NFE2L2: variants seen among roughly 807,000 people sequenced by gnomAD.
The protein encoded by NFE2L2 is nuclear factor erythroid 2-related factor 2.
In NFE2L2, 20 loss-of-function variants were observed where a neutral mutation model predicts 49.6. The ratio of observed to expected loss-of-function variants is 0.40; its 90% CI spans 0.28 to 0.59. The LOEUF (loss-of-function observed/expected upper bound fraction) is 0.59, where lower values mean the gene tolerates loss of function less well. Ranked by LOEUF, NFE2L2 falls within the 20% of genes least tolerant of loss-of-function variation. The pLI, the probability that NFE2L2 is intolerant of heterozygous loss-of-function variation, is 0.40. For missense variants in NFE2L2, 578 were observed against 714.2 expected (o/e 0.81, Z 2.17); for synonymous variants, 244 against 256.5 (o/e 0.95, Z 0.47).
chr2:177,264,389 G>A lies in NFE2L2; in HGVS notation c.45+143C>T, dbSNP rs1025668331. On this transcript the variant is annotated intron_variant, in intron 1 of 4. Coordinates refer to ENST00000397062, the MANE Select transcript of NFE2L2 (RefSeq NM_006164.5). Reference sequence around the variant, plus strand: ...CCCCGCCCTGCCCCGGCGCAAGCGCGGCGGCTCTACCCAGCGCCGCGGTCC... The same window carrying A: ...CCCCGCCCTGCCCCGGCGCAAGCGCAGCGGCTCTACCCAGCGCCGCGGTCC... The A allele has an allele frequency of 9.1e-6, 7 of 773,184 alleles. No homozygotes were observed. In the African/African-American group the frequency reaches 1.1e-4, roughly 12 times the overall value. 47.9% of individuals were successfully genotyped at this position (773,184 alleles called of 1,614,324 possible).
At chr2:177,255,020 T>C (rs986489239) in intron 1 of NFE2L2, among the ~76,000 whole-genome samples, 5 of 152,202 alleles carry the variant, frequency 3.3e-5, no homozygotes, top group African/African-American at 9.7e-5. Context: ...TTCCTCAGTC[T>C]CCATTACTGC....
intron 1 of NFE2L2, among the ~76,000 whole-genome samples, chr2:177,240,018 T>C (rs1689888955): frequency 6.6e-6 from 1 of 151,648 alleles, no homozygotes; most frequent in Non-Finnish European, 1.5e-5. Flanking sequence ...AGCTCACTAC[T>C]GTATTTTGTG....
chr2:177,264,673 GCGGCGGTGGCGGCTGCGT>G lies in NFE2L2; in HGVS notation c.-115_-98del. The G allele has an allele frequency of 8.7e-7, 1 of 1,154,868 alleles. No individual in the cohort carries two copies. The highest frequency in any genetic ancestry group is 1.1e-6 in the Non-Finnish European group (1 of 893,382). The allele number at this position is 1,154,868 out of a possible 1,614,324, so 71.5% of individuals were successfully genotyped here. ...CAGGGCGGCTCTGGTGGCGGCGGCG[GCGGCGGTGGCGGCTGCGT>G]CGGCGGCTCCTCCGGGCTCCCCGGC... On this transcript the variant is annotated 5_prime_UTR_variant, in exon 1 of 5. Transcript: ENST00000397062.
intron 1 of NFE2L2, among the ~76,000 whole-genome samples, chr2:177,242,937 G>C (rs1226245737): frequency 6.6e-6 from 1 of 150,978 alleles, no homozygotes; most frequent in Non-Finnish European, 1.5e-5. Flanking sequence ...TTGTGTTTGA[G>C]TAGGATACTG....
intron 1 of NFE2L2, among the ~76,000 whole-genome samples, chr2:177,262,993 A>G (rs761640451): frequency 1.2e-4 from 19 of 152,274 alleles, no homozygotes; most frequent in Non-Finnish European, 2.4e-4. Flanking sequence ...CCATAACTTA[A>G]AACTTTACAA....
At chr2:177,263,904 G>C (rs1690838862) in intron 1 of NFE2L2, 1 of 985,542 alleles carries the variant, frequency 1.0e-6, no homozygotes, top group Non-Finnish European at 1.2e-6. Flanking sequence ...GAGAGCTCAA[G>C]GCTGCCAGAG....
At chr2:177,244,748 T>G (rs1265784484) in intron 1 of NFE2L2, among the ~76,000 whole-genome samples, 2 of 152,158 alleles carry the variant, frequency 1.3e-5, no homozygotes, top group Middle Eastern at 3.2e-3. Context: ...GGCACACGCC[T>G]GTAATCCCAG....
intron 1 of NFE2L2, among the ~76,000 whole-genome samples, chr2:177,244,179 T>C (rs912047924): frequency 8.6e-5 from 13 of 151,618 alleles, no homozygotes; most frequent in Admixed American, 7.9e-4. Context: ...CGGGTGCCTG[T>C]AGTCCCAGCT....
At chr2:177,232,247 A>C (rs1192263461) in intron 4 of NFE2L2, 145 bp downstream of exon 4, 1 of 948,218 alleles carries the variant, frequency 1.1e-6, no homozygotes, top group Non-Finnish European at 1.5e-6. Context: ...ATGTCCAACC[A>C]ATTTAACTAG....
At chr2:177,238,957 C>T (rs765679020) in intron 1 of NFE2L2, among the ~76,000 whole-genome samples, 10 of 152,174 alleles carry the variant, frequency 6.6e-5, no homozygotes, top group African/African-American at 1.7e-4. Context: ...CGCCCATATA[C>T]ATTTGCATAC....
In NFE2L2 at chr2:177,247,441, C is replaced by T. The variant is rs180826227; in HGVS notation, c.46-13170G>A. On this transcript the variant is annotated intron_variant, in intron 1 of 4. Transcript: ENST00000397062. Reference sequence around the variant, plus strand: ...CTTTGGGAGGCCGAGGCAGGTGGATCGTAAGGTCAGGAGTTCAAGACCAGC... The same window carrying T: ...CTTTGGGAGGCCGAGGCAGGTGGATTGTAAGGTCAGGAGTTCAAGACCAGC... Among the ~76,000 whole-genome samples the T allele has an allele frequency of 1.9e-3, 296 of 152,110 alleles. 1 individual carries two copies. Among genetic ancestry groups the T allele is most frequent in the Non-Finnish European group, 3.6e-3 (246 of 67,992 alleles).
chr2:177,255,172 A>G (rs1043708013), intron 1 of NFE2L2, among the ~76,000 whole-genome samples: 6 of 152,312 alleles, frequency 3.9e-5, no homozygotes, highest in African/African-American at 1.2e-4. Context: ...GCTTCTATCT[A>G]GGCGAGTCAT....
In NFE2L2 at chr2:177,232,333, A is replaced by C. The variant is rs906905335; in HGVS notation, c.594+59T>G. 2.8e-6 allele frequency: 4 copies of C among 1,453,686 alleles called. No homozygotes were observed. The East Asian group carries it at 9.5e-5, about 34-fold the overall frequency. The allele number at this position is 1,453,686 out of a possible 1,614,324, so 90.0% of individuals were successfully genotyped here. ...AAATAGGTGGTATATAAATAATCAGAATGACTAAAGGCACTGAATATAAAA... is the reference window on the plus strand; with the variant it reads ...AAATAGGTGGTATATAAATAATCAGCATGACTAAAGGCACTGAATATAAAA... On this transcript the variant is annotated intron_variant, in intron 4 of 4. Coordinates refer to ENST00000397062, the MANE Select transcript of NFE2L2 (RefSeq NM_006164.5).
intron 2 of NFE2L2, 138 bp from the exon 3 acceptor site, chr2:177,233,477 T>G: frequency 1.4e-6 from 1 of 716,316 alleles, no homozygotes; most frequent in Non-Finnish European, 2.3e-6. Context: ...GAGATCACTT[T>G]GATGCACAAT....
intron 1 of NFE2L2, among the ~76,000 whole-genome samples, chr2:177,252,150 A>G (rs1391535002): frequency 2.0e-5 from 3 of 152,212 alleles, no homozygotes; most frequent in African/African-American, 7.2e-5. Context: ...AGTAACATCA[A>G]TCTAAAGATG....
At chr2:177,240,912 G>A (rs1343828811) in intron 1 of NFE2L2, among the ~76,000 whole-genome samples, 1 of 152,160 alleles carries the variant, frequency 6.6e-6, no homozygotes, top group African/African-American at 2.4e-5. Context: ...AGTAAACTGA[G>A]ACAAAGTATT....
At chr2:177,235,608 T>C (rs1164466905) in intron 1 of NFE2L2, among the ~76,000 whole-genome samples, 4 of 152,144 alleles carry the variant, frequency 2.6e-5, no homozygotes, top group East Asian at 3.9e-4. Context: ...GGCAGGAGGA[T>C]TGCTGGAGCA....
Position 177,230,844 on chromosome 2 carries a change from T to C in NFE2L2, c.1759A>G (p.Arg587Gly), listed in dbSNP as rs777530786. ...GGAACAAGGAAAACATTGCCATCTC[T>C]TGTTTGCTGCAGGGAGTATTCACTA... ...SPSEYSLQQT[R>G]DGNVFLVPKS... The change falls in exon 5 of 5, where the codon AGA becomes GGA. Residue 587 changes from arginine (R) to glycine (G), a missense_variant. This residue lies in a region of NFE2L2 where 117 missense variants were observed against 175.8 expected (regional missense o/e 0.67). Transcript: ENST00000397062. The C allele has an allele frequency of 1.3e-6, 2 of 1,599,338 alleles. No individual in the cohort carries two copies. The highest frequency in any genetic ancestry group is 1.2e-5 in the South Asian group (1 of 86,672).
intron 1 of NFE2L2, among the ~76,000 whole-genome samples, chr2:177,243,415 C>T (rs1221662797): frequency 6.6e-6 from 1 of 152,232 alleles, no homozygotes; most frequent in Non-Finnish European, 1.5e-5. Flanking sequence ...TCTACAGATA[C>T]TTCTGCCACT....
Sources: gnomAD v4.1 joint callset for allele counts (sites outside exome capture counted in the v4.1 genomes callset) on GRCh38, gnomAD v4.1.1 for gene constraint, gnomAD v4.1.1 regional missense constraint, MANE v1.5 for transcripts, NCBI Gene and HGNC (gene_info 2026-07-23, HGNC 2026-07-21) for gene names.